The following FSTL5 variants were observed in gnomAD, a reference collection of about 807,000 sequenced individuals.
FSTL5 encodes the protein follistatin like 5, also known as follistatin-related protein 5.
FSTL5 carries 62 observed loss-of-function variants against 89.1 expected under a neutral mutation model. The ratio of observed to expected loss-of-function variants is 0.70; its 90% confidence interval spans 0.57 to 0.86. FSTL5 has a LOEUF of 0.86. FSTL5 is among the 40% of genes least tolerant of loss of function. The pLI, the probability that FSTL5 is intolerant of heterozygous loss-of-function variation, is 0.00. For missense variants in FSTL5, 1,057 were observed against 1,001.6 expected (o/e 1.06, Z -0.75); for synonymous variants, 383 against 346.2 (o/e 1.11, Z -1.18).
At position 161,508,152 on chromosome 4, in the gene FSTL5, G is replaced by T. The variant is rs1049967370; in HGVS notation, c.1339+2246C>A. Among the ~76,000 whole-genome samples, 3 of 151,956 alleles carry T rather than the reference G, an allele frequency of 2.0e-5. No individual in the cohort carries two copies. The South Asian group carries it at 6.2e-4, about 32-fold the overall frequency. On this transcript the variant is annotated intron_variant, in intron 11 of 15. Coordinates refer to ENST00000306100, the MANE Select transcript of FSTL5 (RefSeq NM_020116.5). Reference sequence around the variant, plus strand: ...ATGAAATACTTATACCCAATGATGGGGTTCAGTGATTCCTCAAGCCAGTCT... The same window carrying T: ...ATGAAATACTTATACCCAATGATGGTGTTCAGTGATTCCTCAAGCCAGTCT...
chr4:162,031,162 A>G (rs1192619896), intron 3 of FSTL5, among the ~76,000 whole-genome samples: 2 of 152,168 alleles, frequency 1.3e-5, no homozygotes, highest in Admixed American at 6.6e-5. Context: ...TTTATGTGTT[A>G]ATAAAAGTTC....
Position 161,556,394 on chromosome 4 carries a change from T to C in FSTL5, c.1016-13701A>G, listed in dbSNP as rs6831868. Among the ~76,000 whole-genome samples the C allele has an allele frequency of 6.8e-3, 1,034 of 151,658 alleles. 13 individuals are homozygous for C. Among genetic ancestry groups the C allele is most frequent in the African/African-American group, 0.024 (996 of 41,476 alleles). On this transcript the variant is annotated intron_variant, in intron 8 of 15. Coordinates refer to ENST00000306100, the MANE Select transcript of FSTL5 (RefSeq NM_020116.5). ...GCCTTATTTTCTACCACCGTTTGTG[T>C]AAGAAACAGAAGAATTTTAACAACA...
At chr4:161,932,442 T>G (rs973657628) in intron 3 of FSTL5, among the ~76,000 whole-genome samples, 179 of 151,886 alleles carry the variant, frequency 1.2e-3, no homozygotes, top group African/African-American at 3.9e-3. Context: ...AGCTCCCCAT[T>G]GCATATACAT....
chr4:161,566,317 A>G (rs943308537), intron 8 of FSTL5, among the ~76,000 whole-genome samples: 1 of 151,778 alleles, frequency 6.6e-6, no homozygotes, highest in East Asian at 1.9e-4. Context: ...ATAGTATTCT[A>G]TGGTGTATAT....
At position 161,498,564 on chromosome 4, in the gene FSTL5, T is replaced by C. The variant is rs138423845; in HGVS notation, c.1458+1452A>G. On this transcript the variant is annotated intron_variant, in intron 12 of 15. Coordinates refer to ENST00000306100, the MANE Select transcript of FSTL5 (RefSeq NM_020116.5). ...GATTTCACAGCCTATCTTATTAGTATTAGTAATTGAAGTTTCAAATTCTGT... is the reference window on the plus strand; with the variant it reads ...GATTTCACAGCCTATCTTATTAGTACTAGTAATTGAAGTTTCAAATTCTGT... Among the ~76,000 whole-genome samples, 5 of 152,326 alleles carry C rather than the reference T, an allele frequency of 3.3e-5. No homozygotes were observed. In the East Asian group the frequency reaches 9.7e-4, roughly 29 times the overall value.
intron 7 of FSTL5, among the ~76,000 whole-genome samples, chr4:161,626,492 C>T (rs191217853): frequency 1.5e-3 from 225 of 152,204 alleles, no homozygotes; most frequent in Middle Eastern, 0.014. Context: ...AAATAAAAAA[C>T]GATTCCTTTC....
intron 4 of FSTL5, among the ~76,000 whole-genome samples, chr4:161,821,647 T>A (rs1414711773): frequency 6.6e-6 from 1 of 152,188 alleles, no homozygotes; most frequent in Non-Finnish European, 1.5e-5. Context: ...TAGCTCCCAC[T>A]TATGAGTGAG....
chr4:161,550,453 G>A (rs1732160546), intron 8 of FSTL5, among the ~76,000 whole-genome samples: 1 of 151,790 alleles, frequency 6.6e-6, no homozygotes, highest in Non-Finnish European at 1.5e-5. Context: ...CTCTCCTAAT[G>A]TATTTAGAAC....
intron 2 of FSTL5, among the ~76,000 whole-genome samples, chr4:162,047,853 C>T (rs1004760498): frequency 2.6e-5 from 4 of 151,780 alleles, no homozygotes; most frequent in African/African-American, 9.7e-5. Flanking sequence ...AAGCAAACAA[C>T]AACAACAAAA....
intron 15 of FSTL5, among the ~76,000 whole-genome samples, chr4:161,395,423 A>T (rs571173409): frequency 6.6e-6 from 1 of 152,162 alleles, no homozygotes; most frequent in South Asian, 2.1e-4. Flanking sequence ...GCAGAAATAA[A>T]TTTTTCTTTC....
chr4:161,557,464 A>G (rs1391595682), intron 8 of FSTL5, among the ~76,000 whole-genome samples: 1 of 151,690 alleles, frequency 6.6e-6, no homozygotes, highest in Non-Finnish European at 1.5e-5. Flanking sequence ...AATATTCCCT[A>G]ACTTGACAGG....
chr4:161,532,873 G>C (rs556333085), intron 10 of FSTL5, among the ~76,000 whole-genome samples: 2 of 152,010 alleles, frequency 1.3e-5, no homozygotes, highest in African/African-American at 4.8e-5. Flanking sequence ...ATAATATCAA[G>C]CACTCTCTCA....
At chr4:161,466,861 C>T (rs965197711) in intron 13 of FSTL5, among the ~76,000 whole-genome samples, 26 of 152,030 alleles carry the variant, frequency 1.7e-4, no homozygotes, top group African/African-American at 4.8e-4. Flanking sequence ...TCTCCTAATG[C>T]TAATAATTTA....
At position 161,872,339 on chromosome 4, in the gene FSTL5, C is replaced by G. The variant is rs193011680; in HGVS notation, c.409+48065G>C. On this transcript the variant is annotated intron_variant, in intron 4 of 15. Coordinates refer to ENST00000306100, the MANE Select transcript of FSTL5 (RefSeq NM_020116.5). The stretch of plus-strand genomic sequence containing the variant: ...TTCACAACTACGTATTTTGTTTTTA[C>G]CAGAATATATTGCTTAGTTGAAAAA... Among the ~76,000 whole-genome samples, 16 of 151,950 alleles carry G rather than the reference C, an allele frequency of 1.1e-4. No homozygotes were observed. In the East Asian group the frequency reaches 2.9e-3, roughly 27 times the overall value.
intron 10 of FSTL5, among the ~76,000 whole-genome samples, chr4:161,533,173 A>G (rs1731483104): frequency 6.6e-6 from 1 of 151,900 alleles, no homozygotes; most frequent in Non-Finnish European, 1.5e-5. Context: ...ACTAGGAAAA[A>G]AAAAAAAAAG....
At chr4:161,428,729 C>T (rs1296004406) in intron 15 of FSTL5, among the ~76,000 whole-genome samples, 5 of 152,112 alleles carry the variant, frequency 3.3e-5, no homozygotes, top group Non-Finnish European at 5.9e-5. Context: ...GATACCCGGA[C>T]AGTACTCACC....
chr4:162,036,842 T>C (rs1737759687), intron 2 of FSTL5, among the ~76,000 whole-genome samples: 1 of 151,880 alleles, frequency 6.6e-6, no homozygotes, highest in Admixed American at 6.6e-5. Context: ...AAAACGTTTT[T>C]TGGTGCTCAT....
intron 1 of FSTL5, among the ~76,000 whole-genome samples, chr4:162,133,135 G>C (rs1351080194): frequency 6.6e-6 from 1 of 152,136 alleles, no homozygotes; most frequent in Non-Finnish European, 1.5e-5. Flanking sequence ...TTTTTTAGTA[G>C]AGACGGGGTT....
chr4:161,972,689 C>A (rs957700159), intron 3 of FSTL5, among the ~76,000 whole-genome samples: 2 of 152,204 alleles, frequency 1.3e-5, no homozygotes, highest in Non-Finnish European at 2.9e-5. Flanking sequence ...ATGATTAACA[C>A]CTTGGATGTG....
Sources: gnomAD v4.1 joint callset for allele counts (sites outside exome capture counted in the v4.1 genomes callset) on GRCh38, gnomAD v4.1.1 for gene constraint, MANE v1.5 for transcripts, NCBI Gene and HGNC (gene_info 2026-07-23, HGNC 2026-07-21) for gene names.